Variants in RLF observed in about 807,000 individuals in gnomAD.
RLF encodes the protein zinc finger protein Rlf.
Under a neutral mutation model 162.9 loss-of-function variants are expected in RLF, and 7 were observed. That is an observed-to-expected ratio of 0.04 (90% CI 0.02 to 0.08). The LOEUF is 0.08. RLF is among the 10% of genes least tolerant of loss of function. The pLI is 1.00. For missense variants in RLF, 1,664 were observed against 2,244.7 expected (o/e 0.74, Z 5.23); for synonymous variants, 782 against 791.5 (o/e 0.99, Z 0.20).
rs185962022 is a variant in RLF, at chr1:40,215,357, A to G, written c.811-7217A>G. Among the ~76,000 whole-genome samples the G allele has an allele frequency of 6.9e-4, 105 of 152,324 alleles. No individual in the cohort carries two copies. The Middle Eastern group carries it at 0.014, about 20-fold the overall frequency. Reference sequence around the variant, plus strand: ...CATTCTTCTCAAATGCACATGGTCTATTCTCCAGGATAGACCATGTGTTAG... The same window carrying G: ...CATTCTTCTCAAATGCACATGGTCTGTTCTCCAGGATAGACCATGTGTTAG... On this transcript the variant is annotated intron_variant, in intron 5 of 7. Coordinates refer to ENST00000372771, the MANE Select transcript of RLF (RefSeq NM_012421.4).
At chr1:40,202,326 A>T in intron 4 of RLF, 86 bp from the exon 5 acceptor site, 1 of 840,240 alleles carries the variant, frequency 1.2e-6, no homozygotes, top group Non-Finnish European at 1.8e-6. Context: ...TAAAAATCAA[A>T]TAAAAAGATC....
intron 1 of RLF, among the ~76,000 whole-genome samples, chr1:40,171,199 A>G (rs939644491): frequency 6.6e-6 from 1 of 151,886 alleles, no homozygotes; most frequent in Admixed American, 6.6e-5. Flanking sequence ...GCTAATTGAA[A>G]AATAATTTTT....
At chr1:40,230,902 A>T (rs543684300) in intron 6 of RLF, among the ~76,000 whole-genome samples, 69 of 152,064 alleles carry the variant, frequency 4.5e-4, no homozygotes, top group African/African-American at 1.7e-3. Context: ...GTTTTTGTTT[A>T]ATTTATTATT....
At chr1:40,215,975 TAAAGA>T (rs1048415220) in intron 5 of RLF, among the ~76,000 whole-genome samples, 18 of 151,698 alleles carry the variant, frequency 1.2e-4, no homozygotes, top group East Asian at 1.9e-4. Context: ...AGAAAATCAA[TAAAGA>T]AAAGTAATAA....
At chr1:40,231,435 G>A (rs1336587620) in intron 6 of RLF, 82 bp from the exon 7 acceptor site, 2 of 1,261,694 alleles carry the variant, frequency 1.6e-6, no homozygotes, top group Non-Finnish European at 2.2e-6. Flanking sequence ...GCTTTCTACA[G>A]ATCAAAAAAT....
chr1:40,197,990 G>A (rs1448669272), intron 4 of RLF, among the ~76,000 whole-genome samples: 2 of 152,034 alleles, frequency 1.3e-5, no homozygotes, highest in Admixed American at 6.6e-5. Context: ...AGATGCCATG[G>A]AAGAGCTGTT....
At chr1:40,234,175 C>A (rs766660927) in intron 7 of RLF, among the ~76,000 whole-genome samples, 1 of 152,164 alleles carries the variant, frequency 6.6e-6, no homozygotes, top group Non-Finnish European at 1.5e-5. Context: ...GTCTTAAACT[C>A]CATGCCTCAA....
chr1:40,199,095 A>C, intron 4 of RLF, among the ~76,000 whole-genome samples: 1 of 152,238 alleles, frequency 6.6e-6, no homozygotes, highest in East Asian at 1.9e-4. Flanking sequence ...CATGTAATCC[A>C]TGAAACAGGT....
Position 40,161,441 on chromosome 1 carries a change from T to C in RLF, c.42T>C (p.Ala14=). The change falls in exon 1 of 8, where the codon GCT becomes GCC. Residue 14 remains alanine, a synonymous_variant. Coordinates refer to ENST00000372771, the MANE Select transcript of RLF (RefSeq NM_012421.4). This position sits in a 1 kb window ranked among gnomAD's most constrained non-coding sequence, Gnocchi z 4.4. ...GAGACGCCGCCGCTGTCGCCGGGGC[T>C]GGGGCTGAGGCTCCGGCGGTAGCGG... The part of the protein sequence containing the change: ...GKGDAAAVAG[A]GAEAPAVAGA... 9 of 1,572,162 alleles carry C rather than the reference T, an allele frequency of 5.7e-6. No individual in the cohort carries two copies. The highest frequency in any genetic ancestry group is 7.7e-6 in the Non-Finnish European group (9 of 1,162,246).
At chr1:40,209,500 T>TA (rs1416577099) in intron 5 of RLF, among the ~76,000 whole-genome samples, 3 of 152,206 alleles carry the variant, frequency 2.0e-5, no homozygotes, top group Admixed American at 2.0e-4. Flanking sequence ...TCAAGATTGA[T>TA]CAGAGGTGAA....
At chr1:40,191,448 T>G (rs61780451) in intron 3 of RLF, among the ~76,000 whole-genome samples, 7,894 of 150,552 alleles carry the variant, frequency 0.052, 601 homozygotes, top group African/African-American at 0.17. Context: ...TCAGGCAGGA[T>G]AATCGCTTGA....
intron 5 of RLF, among the ~76,000 whole-genome samples, chr1:40,220,120 C>T (rs976949618): frequency 8.5e-5 from 13 of 152,060 alleles, no homozygotes; most frequent in African/African-American, 2.2e-4. Context: ...CCCAGCTACT[C>T]GGGGGGCTGA....
At chr1:40,200,568 C>G (rs568154130) in intron 4 of RLF, among the ~76,000 whole-genome samples, 11 of 151,988 alleles carry the variant, frequency 7.2e-5, no homozygotes, top group African/African-American at 2.7e-4. Flanking sequence ...ATAGAATAAC[C>G]TGTATCATAT....
intron 5 of RLF, among the ~76,000 whole-genome samples, chr1:40,218,854 G>C (rs1642958043): frequency 1.3e-5 from 2 of 152,116 alleles, no homozygotes; most frequent in Non-Finnish European, 2.9e-5. Context: ...TGCCCTCAGG[G>C]AACTTACATT....
chr1:40,164,541 T>G (rs763296343), intron 1 of RLF, among the ~76,000 whole-genome samples: 10 of 152,246 alleles, frequency 6.6e-5, no homozygotes, highest in Non-Finnish European at 1.5e-4. Context: ...TTTGTTTTCC[T>G]CTTTCCTTCA....
intron 6 of RLF, among the ~76,000 whole-genome samples, chr1:40,230,042 A>T (rs1023050298): frequency 6.6e-6 from 1 of 151,226 alleles, no homozygotes; most frequent in Non-Finnish European, 1.5e-5. Context: ...TAAACCTGGG[A>T]GGTGGAGGTT....
chr1:40,177,446 C>A (rs1256291624), intron 1 of RLF, among the ~76,000 whole-genome samples: 1 of 151,932 alleles, frequency 6.6e-6, no homozygotes, highest in African/African-American at 2.4e-5. Flanking sequence ...CCCGCCACCA[C>A]GCCTGGCTAA....
intron 5 of RLF, among the ~76,000 whole-genome samples, chr1:40,208,815 T>C (rs1226267393): frequency 6.6e-6 from 1 of 152,106 alleles, no homozygotes; most frequent in East Asian, 1.9e-4. Context: ...AGACCCTGTC[T>C]CAAAAACAAA....
At chr1:40,200,902 A>T (rs1642704477) in intron 4 of RLF, among the ~76,000 whole-genome samples, 5 of 131,200 alleles carry the variant, frequency 3.8e-5, no homozygotes, top group Non-Finnish European at 8.1e-5. Flanking sequence ...ACACACACAC[A>T]CACACACACA....
Sources: gnomAD v4.1 joint callset for allele counts (sites outside exome capture counted in the v4.1 genomes callset) on GRCh38, gnomAD v4.1.1 for gene constraint, Gnocchi (gnomAD v3.1) non-coding constraint, MANE v1.5 for transcripts, NCBI Gene and HGNC (gene_info 2026-07-23, HGNC 2026-07-21) for gene names.